TAOK1: variants seen among roughly 807,000 people sequenced by gnomAD.
TAOK1 encodes the protein serine/threonine-protein kinase TAO1.
TAOK1 carries 21 observed loss-of-function variants against 138.3 expected under a neutral mutation model. The observed-to-expected ratio is 0.15, with a 90% confidence interval of 0.11 to 0.22. The LOEUF (loss-of-function observed/expected upper bound fraction) is 0.22. Among genes scored for constraint, TAOK1 ranks in the 10% least tolerant of loss-of-function variants. The pLI, the probability that TAOK1 is intolerant of heterozygous loss-of-function variation, is 1.00. For missense variants in TAOK1, 651 were observed against 1,227.7 expected (o/e 0.53, Z 7.02); for synonymous variants, 361 against 398.4 (o/e 0.91, Z 1.12).
chr17:29,522,558 A>G, intron 17 of TAOK1, 39 bp downstream of exon 17: 1 of 1,609,334 alleles, frequency 6.2e-7, no homozygotes, highest in African/African-American at 1.3e-5. Flanking sequence ...AGGGAGGAGA[A>G]TGAAAAGGTA....
intron 1 of TAOK1, among the ~76,000 whole-genome samples, chr17:29,446,344 C>T (rs921204012): frequency 6.6e-6 from 1 of 152,054 alleles, no homozygotes; most frequent in Non-Finnish European, 1.5e-5. Flanking sequence ...TTCTTTCACG[C>T]CATTCTCCTC....
intron 11 of TAOK1, 61 bp downstream of exon 11, chr17:29,495,788 A>T: frequency 7.4e-7 from 1 of 1,356,204 alleles, no homozygotes; most frequent in Non-Finnish European, 9.6e-7. Flanking sequence ...TTCCTTATGC[A>T]GCTTGCCCTG....
At chr17:29,469,488 T>C (rs1213339099) in intron 3 of TAOK1, among the ~76,000 whole-genome samples, 1 of 152,148 alleles carries the variant, frequency 6.6e-6, no homozygotes, top group Non-Finnish European at 1.5e-5. Flanking sequence ...CCCAGCCTCT[T>C]GCAACCACCA....
chr17:29,487,055 CCT>C (rs2031186651), intron 8 of TAOK1, among the ~76,000 whole-genome samples: 1 of 152,052 alleles, frequency 6.6e-6, no homozygotes, highest in Admixed American at 6.5e-5. Context: ...TCAAGACCAG[CCT>C]AGTCAACATG....
rs2030235659 is a variant in TAOK1, at chr17:29,451,542, C to G, written c.-7C>G. On this transcript the variant is annotated 5_prime_UTR_variant, in exon 2 of 20. Transcript: ENST00000261716. ...ATTAGAATCAAGACAGCTGACTGCT[C>G]AGCAGGATGCCATCAACTAACAGAG... 6.2e-7 allele frequency: 1 copy of G among 1,607,912 alleles called. No homozygotes were observed. Among genetic ancestry groups the G allele is most frequent in the Admixed American group, 1.7e-5 (1 of 59,072 alleles).
chr17:29,509,315 GCATCTACCATGCCTGGCTAATTTTT>G (rs1041783336), intron 14 of TAOK1, among the ~76,000 whole-genome samples: 12 of 151,930 alleles, frequency 7.9e-5, no homozygotes, highest in East Asian at 1.9e-4. Context: ...GACTACAGGT[GCATCTACCATGCCTGGCTAATTTTT>G]CATCTACCAT....
At position 29,547,906 on chromosome 17, in the gene TAOK1, A is replaced by G. The variant is rs1397085628; in HGVS notation, c.*4884A>G. Reference sequence around the variant, plus strand: ...TGCCTCTTGTATGCAAGGACTACTGATTGAAGTCTGTTTTGCTGTGTCTGG... The same window carrying G: ...TGCCTCTTGTATGCAAGGACTACTGGTTGAAGTCTGTTTTGCTGTGTCTGG... On this transcript the variant is annotated 3_prime_UTR_variant, in exon 20 of 20. Coordinates refer to ENST00000261716, the MANE Select transcript of TAOK1 (RefSeq NM_020791.4). The G allele has an allele frequency of 6.6e-6, 1 of 152,066 alleles. No homozygotes were observed. The highest frequency in any genetic ancestry group is 1.9e-4 in the East Asian group (1 of 5,190). 9.4% of individuals were successfully genotyped at this position (152,066 alleles called of 1,614,324 possible). A position where few individuals can be genotyped will look rare whatever the true frequency, so the allele number is the denominator to read the frequency against.
chr17:29,430,129 G>A (rs577754455), intron 1 of TAOK1, among the ~76,000 whole-genome samples: 82 of 152,250 alleles, frequency 5.4e-4, no homozygotes, highest in Admixed American at 3.6e-3. Flanking sequence ...TTTGGACAAA[G>A]AATTGGTTAA....
At chr17:29,479,147 A>C (rs1266432597) in intron 6 of TAOK1, among the ~76,000 whole-genome samples, 1 of 147,970 alleles carries the variant, frequency 6.8e-6, no homozygotes, top group Non-Finnish European at 1.5e-5. Context: ...CTCTGTCTCA[A>C]AAAAAAAAAA....
intron 12 of TAOK1, among the ~76,000 whole-genome samples, chr17:29,499,374 G>A (rs1460988479): frequency 6.6e-6 from 1 of 151,304 alleles, no homozygotes; most frequent in African/African-American, 2.4e-5. Context: ...TGGAATTACA[G>A]GTGTGTGCCA....
chr17:29,544,891 T>C lies in TAOK1; in HGVS notation c.*1869T>C, dbSNP rs569319714. On this transcript the variant is annotated 3_prime_UTR_variant, in exon 20 of 20. Coordinates refer to ENST00000261716, the MANE Select transcript of TAOK1 (RefSeq NM_020791.4). Reference sequence around the variant, plus strand: ...CTAGACCAAACTAATGACCAAACAGTAATCAATCTATCACTGTTGAAGTCC... The same window carrying C: ...CTAGACCAAACTAATGACCAAACAGCAATCAATCTATCACTGTTGAAGTCC... 6.6e-6 allele frequency: 1 copy of C among 152,296 alleles called. No individual in the cohort carries two copies. The highest frequency in any genetic ancestry group is 1.9e-4 in the East Asian group (1 of 5,190). 9.4% of individuals were successfully genotyped at this position (152,296 alleles called of 1,614,324 possible).
At chr17:29,521,669 G>A (rs2031918953) in intron 16 of TAOK1, among the ~76,000 whole-genome samples, 1 of 152,110 alleles carries the variant, frequency 6.6e-6, no homozygotes, top group Admixed American at 6.6e-5. Context: ...TGCAAGCTCC[G>A]CCTCCTGAGT....
Position 29,517,497 on chromosome 17 carries a change from G to A in TAOK1, c.1749G>A (p.Glu583=). The A allele has an allele frequency of 6.2e-7, 1 of 1,614,016 alleles. No homozygotes were observed. The highest frequency in any genetic ancestry group is 2.2e-5 in the East Asian group (1 of 44,862). Residue 583 remains glutamate (E), a synonymous_variant, in exon 16 of 20, where the codon GAG becomes GAA. Transcript: ENST00000261716. The stretch of plus-strand genomic sequence containing the variant: ...GTACCCCCAAAAAAGAAAAACAGGA[G>A]TGGCTTTCAAAGCAGAAGGAGAATA... ...NQSTPKKEKQ[E]WLSKQKENIQ...
chr17:29,531,373 G>A (rs557231560), intron 18 of TAOK1, among the ~76,000 whole-genome samples: 21 of 152,068 alleles, frequency 1.4e-4, no homozygotes, highest in Admixed American at 2.6e-4. Flanking sequence ...CCACCTCCCG[G>A]GTTCAAGGGG....
chr17:29,510,630 G>T (rs2031704214), intron 14 of TAOK1, among the ~76,000 whole-genome samples: 1 of 152,100 alleles, frequency 6.6e-6, no homozygotes, highest in South Asian at 2.1e-4. Flanking sequence ...CAACATTTTT[G>T]ACCCTGTAAG....
intron 12 of TAOK1, among the ~76,000 whole-genome samples, chr17:29,501,621 T>G (rs961729678): frequency 1.3e-5 from 2 of 152,170 alleles, no homozygotes; most frequent in Non-Finnish European, 2.9e-5. Context: ...CAAGAGCCTT[T>G]GAGCAATTAA....
chr17:29,421,188 C>T (rs1355815623), intron 1 of TAOK1, among the ~76,000 whole-genome samples: 3 of 152,064 alleles, frequency 2.0e-5, no homozygotes, highest in Admixed American at 6.6e-5. Flanking sequence ...CTTGGCCTCC[C>T]GGAGTGCTGG....
intron 6 of TAOK1, among the ~76,000 whole-genome samples, chr17:29,479,181 T>C (rs753325072): frequency 6.6e-6 from 1 of 152,012 alleles, no homozygotes; most frequent in Admixed American, 6.5e-5. Context: ...TTAAGACTCC[T>C]TATGCTTTTG....
chr17:29,430,953 C>G (rs1463118138), intron 1 of TAOK1, among the ~76,000 whole-genome samples: 1 of 151,982 alleles, frequency 6.6e-6, no homozygotes, highest in African/African-American at 2.4e-5. Context: ...TTGGTGGTCT[C>G]TAGGCGAGGG....
Sources: allele counts gnomAD v4.1 joint callset (sites outside exome capture counted in the v4.1 genomes callset), GRCh38; gene constraint gnomAD v4.1.1; transcripts MANE v1.5; gene names NCBI Gene and HGNC (gene_info 2026-07-23, HGNC 2026-07-21).